Variants in MIB1 observed in about 807,000 individuals in gnomAD.
MIB1 encodes the protein MIB E3 ubiquitin protein ligase 1, also known as E3 ubiquitin-protein ligase MIB1.
Under a neutral mutation model 124.5 loss-of-function variants are expected in MIB1, and 278 were observed. The ratio of observed to expected loss-of-function variants is 2.23; its 90% CI spans 2.02 to 2.47. MIB1 has a LOEUF of 2.47. MIB1 is among the 30% of genes most tolerant of loss of function. The pLI, the probability that MIB1 is intolerant of heterozygous loss-of-function variation, is 0.00. For synonymous variants in MIB1, 446 were observed against 429.4 expected (o/e 1.04, Z -0.48); for missense variants, 957 against 1,254.4 (o/e 0.76, Z 3.58).
At chr18:21,705,383 A>G (rs1452424598) in intron 1 of MIB1, among the ~76,000 whole-genome samples, 2 of 152,264 alleles carry the variant, frequency 1.3e-5, no homozygotes, top group Non-Finnish European at 2.9e-5. Flanking sequence ...ACCGGGATTC[A>G]ATTGTTAAAA....
rs2041313768 is a variant in MIB1, at chr18:21,778,157, T to C, written c.691T>C (p.Cys231Arg). The stretch of plus-strand genomic sequence containing the variant: ...GGGAGGTTCTTTCTACAGAGATCAC[T>C]GCCCTGTGCTAGGTGAGTGAGAAGA... ...AKGGSFYRDH[C>R]PVLGEQNGNR... The change falls in exon 5 of 21, where the codon TGC becomes CGC. Residue 231 changes from cysteine (C) to arginine (R), a missense_variant. Physicochemically the swap from Cys to Arg is radical, Grantham distance 180 (BLOSUM62 -3). Coordinates refer to ENST00000261537, the MANE Select transcript of MIB1 (RefSeq NM_020774.4). 6.2e-7 allele frequency: 1 copy of C among 1,605,150 alleles called. No individual in the cohort carries two copies. Among genetic ancestry groups the C allele is most frequent in the Non-Finnish European group, 8.5e-7 (1 of 1,172,230 alleles).
intron 12 of MIB1, among the ~76,000 whole-genome samples, chr18:21,833,487 G>T (rs574946653): frequency 6.6e-6 from 1 of 152,250 alleles, no homozygotes; most frequent in East Asian, 1.9e-4. Context: ...TTACCGATTT[G>T]AGGGATTGTT....
At chr18:21,711,313 A>G (rs1365227442) in intron 1 of MIB1, among the ~76,000 whole-genome samples, 1 of 151,568 alleles carries the variant, frequency 6.6e-6, no homozygotes, top group South Asian at 2.1e-4. Flanking sequence ...ATGGAGTCTC[A>G]CTCTGTCACA....
intron 1 of MIB1, among the ~76,000 whole-genome samples, chr18:21,707,443 T>C (rs900339118): frequency 6.6e-6 from 1 of 152,206 alleles, no homozygotes; most frequent in South Asian, 2.1e-4. Context: ...GGCAACCTAC[T>C]GGGGTCGCCT....
intron 20 of MIB1, among the ~76,000 whole-genome samples, chr18:21,860,645 A>C (rs1470866543): frequency 6.6e-6 from 1 of 152,176 alleles, no homozygotes; most frequent in Non-Finnish European, 1.5e-5. Context: ...AGTTGTTAGA[A>C]TCATCACTCC....
chr18:21,741,739 G>C lies in MIB1; in HGVS notation c.156G>C (p.Trp52Cys). The part of the protein sequence containing the change: ...FESPEEVVVV[W>C]DNGTAANYRC... Reference sequence around the variant, plus strand: ...GCCCCGAGGAGGTGGTGGTAGTGTGGGACAACGGCACAGCTGCCAACTACC... The same window carrying C: ...GCCCCGAGGAGGTGGTGGTAGTGTGCGACAACGGCACAGCTGCCAACTACC... The change falls in exon 1 of 21, where the codon TGG becomes TGC. Residue 52 changes from tryptophan to cysteine, a missense_variant. Physicochemically the swap from Trp to Cys is radical, Grantham distance 215. Coordinates refer to ENST00000261537, the MANE Select transcript of MIB1 (RefSeq NM_020774.4). The surrounding 1 kb of genome is among the most constrained non-coding windows in gnomAD (Gnocchi z 5.4). 1 of 1,611,382 alleles carries C rather than the reference G, an allele frequency of 6.2e-7. No individual in the cohort carries two copies. Among genetic ancestry groups the C allele is most frequent in the Non-Finnish European group, 8.5e-7 (1 of 1,179,320 alleles).
rs146113115 is a variant in MIB1 at position 21,771,183 on chromosome 18, A to G, written c.531+2431A>G. On this transcript the variant is annotated intron_variant, in intron 3 of 20. Coordinates refer to ENST00000261537, the MANE Select transcript of MIB1 (RefSeq NM_020774.4). ...TTTAACAGCTGTTCCTTACATGTGA[A>G]ATTACTGTAGTTATTTTCTTATGCC... 9.2e-5 allele frequency among the ~76,000 whole-genome samples: 14 copies of G among 152,288 alleles called. No homozygotes were observed. In the East Asian group the frequency reaches 2.7e-3, roughly 29 times the overall value.
chr18:21,810,519 G>T (rs1040879468), intron 10 of MIB1, among the ~76,000 whole-genome samples: 3 of 151,912 alleles, frequency 2.0e-5, no homozygotes, highest in African/African-American at 7.2e-5. Context: ...TCAAGACAGT[G>T]TATTACTAAC....
At chr18:21,860,864 G>A (rs2042270489) in intron 20 of MIB1, among the ~76,000 whole-genome samples, 1 of 152,078 alleles carries the variant, frequency 6.6e-6, no homozygotes, top group Non-Finnish European at 1.5e-5. Flanking sequence ...ACAAGACCCT[G>A]TCTCTACAAA....
At chr18:21,802,827 A>T (rs2041664383) in intron 9 of MIB1, among the ~76,000 whole-genome samples, 1 of 152,072 alleles carries the variant, frequency 6.6e-6, no homozygotes, top group South Asian at 2.1e-4. Context: ...GGGTATGTAG[A>T]GTTTTGGGGG....
intron 13 of MIB1, among the ~76,000 whole-genome samples, chr18:21,839,572 A>T (rs1476179452): frequency 6.6e-6 from 1 of 152,152 alleles, no homozygotes; most frequent in Non-Finnish European, 1.5e-5. Context: ...TGGCACAATC[A>T]TGGCTCACTG....
Position 21,861,555 on chromosome 18 carries a change from G to A in MIB1, c.2880+2909G>A, listed in dbSNP as rs545169705. The stretch of plus-strand genomic sequence containing the variant: ...TATACTTTCTTAAATAATCCTCATC[G>A]CCATATTTTATCACTGAAGTATTTA... On this transcript the variant is annotated intron_variant, in intron 20 of 20. Coordinates refer to ENST00000261537, the MANE Select transcript of MIB1 (RefSeq NM_020774.4). Among the ~76,000 whole-genome samples, 7 of 150,364 alleles carry A rather than the reference G, an allele frequency of 4.7e-5. No individual in the cohort carries two copies. In the South Asian group the frequency reaches 8.4e-4, roughly 18 times the overall value.
In MIB1 at chr18:21,838,414, G is replaced by T; in HGVS notation, c.1879G>T (p.Glu627Ter). ...ATTACCAAGACCATGGATTGTGGAT[G>T]AGAAGAAAGATGATGGTTATACTGC... ...SKLPRPWIVD[E>*]KKDDGYTALH... The change falls in exon 13 of 21, where the codon GAG becomes TAG. Residue 627 changes from glutamate to a stop codon, truncating the protein, a stop_gained. Transcript: ENST00000261537. LOFTEE classifies it high-confidence loss of function. 6.2e-7 allele frequency: 1 copy of T among 1,609,604 alleles called. No homozygotes were observed.
intron 1 of MIB1, among the ~76,000 whole-genome samples, chr18:21,718,017 AT>A (rs2040697474): frequency 6.6e-6 from 1 of 152,254 alleles, no homozygotes; most frequent in South Asian, 2.1e-4. Context: ...CAGTGAATGA[AT>A]AAAGAAACTG....
chr18:21,827,640 C>G (rs1453234054), intron 12 of MIB1: 3 of 151,944 alleles, frequency 2.0e-5, no homozygotes, highest in African/African-American at 7.2e-5. Flanking sequence ...AAGGGCTATG[C>G]TTATGTGAGT....
At chr18:21,852,988 G>C (rs762293487) in intron 17 of MIB1, 152 bp from the exon 18 acceptor site, 3 of 589,336 alleles carry the variant, frequency 5.1e-6, no homozygotes, top group Non-Finnish European at 9.0e-6. Context: ...GAATAACCAG[G>C]AAAGTAGAGG....
intron 12 of MIB1, among the ~76,000 whole-genome samples, chr18:21,837,894 T>C (rs929201867): frequency 2.6e-5 from 4 of 152,220 alleles, no homozygotes; most frequent in African/African-American, 9.6e-5. Flanking sequence ...TTCCTACTTC[T>C]AAAAATTATT....
Position 21,778,086 on chromosome 18 carries a change from GTTTCT to G in MIB1, c.637-10_637-6del. ...TGAAGTTTCATGGGTGATTTTTCTGGTTTCTTTTCTTCTTAGTCTGATCTGAAATG... is the reference window on the plus strand; with the variant it reads ...TGAAGTTTCATGGGTGATTTTTCTGGTTTCTTCTTAGTCTGATCTGAAATG... On this transcript the variant is annotated splice_polypyrimidine_tract_variant and intron_variant, in intron 4 of 20. Transcript: ENST00000261537. 1.2e-6 allele frequency: 2 copies of G among 1,600,828 alleles called. No individual in the cohort carries two copies. The highest frequency in any genetic ancestry group is 1.1e-5 in the South Asian group (1 of 90,710).
chr18:21,708,082 G>A (rs1244984855), intron 1 of MIB1, among the ~76,000 whole-genome samples: 1 of 152,120 alleles, frequency 6.6e-6, no homozygotes, highest in Non-Finnish European at 1.5e-5. Flanking sequence ...CAAAAGCCGT[G>A]CCTCCTAATA....
Sources: gnomAD v4.1 joint callset for allele counts (sites outside exome capture counted in the v4.1 genomes callset) on GRCh38, gnomAD v4.1.1 for gene constraint, Gnocchi (gnomAD v3.1) non-coding constraint, MANE v1.5 for transcripts, NCBI Gene and HGNC (gene_info 2026-07-23, HGNC 2026-07-21) for gene names.